REELD1: variants seen among roughly 807,000 people sequenced by gnomAD.
The protein encoded by REELD1 is reelin domain-containing protein 1.
REELD1 carries 12 observed loss-of-function variants against 6.3 expected under a neutral mutation model. The ratio of observed to expected loss-of-function variants is 1.89; its 90% CI spans 1.21 to 3.07. The LOEUF is 3.07. Ranked by LOEUF, REELD1 falls within the 30% of genes most tolerant of loss-of-function variation. The pLI is 0.00. For missense variants in REELD1, 163 were observed against 86.8 expected (o/e 1.88, Z -3.49); for synonymous variants, 57 against 33.6 (o/e 1.70, Z -2.42).
rs1040604541 is a variant in REELD1, at chr4:146,228,485, T to C, written c.871T>C (p.Ser291Pro). ...GCTCGTGGCCCTCAAGAGAGTCTCC[T>C]CAGAGAGCTTTGCTTCCAGCCTTAG... ...ERLVALKRVS[S>P]ESFASSLSTH... Residue 291 changes from serine (S) to proline (P), a missense_variant, in exon 6 of 8, where the codon TCA becomes CCA. Ser to Pro is a moderately conservative substitution (Grantham distance 74). Coordinates refer to ENST00000623665, the MANE Select transcript of REELD1 (RefSeq NM_001354631.1). The C allele has an allele frequency of 3.7e-5, 26 of 702,412 alleles. No individual in the cohort carries two copies. In the African/African-American group the frequency reaches 4.4e-4, roughly 12 times the overall value. The allele number at this position is 702,412 out of a possible 1,614,324, so 43.5% of individuals were successfully genotyped here.
chr4:146,228,019 G>T (rs17021262), intron 5 of REELD1, among the ~76,000 whole-genome samples, 191 bp from the exon 6 acceptor site: 2,960 of 152,204 alleles, frequency 0.019, 92 homozygotes, highest in African/African-American at 0.066. Context: ...ATAAGCCCTT[G>T]CGTGGTCAGG....
rs1731115572 is a variant in REELD1, at chr4:146,230,711, C to T, written c.*198C>T. On this transcript the variant is annotated 3_prime_UTR_variant, in exon 8 of 8. Coordinates refer to ENST00000623665, the MANE Select transcript of REELD1 (RefSeq NM_001354631.1). ...TTCCTGAGCTTTGTTGTCTTAACAT[C>T]TGTAATTGGGCTTCCTTCTTTCTTT... 1 of 383,052 alleles carries T rather than the reference C, an allele frequency of 2.6e-6. No individual in the cohort carries two copies. 23.7% of individuals were successfully genotyped at this position (383,052 alleles called of 1,614,324 possible). A position where few individuals can be genotyped will look rare whatever the true frequency, so the allele number is the denominator to read the frequency against.
chr4:146,228,407 G>A lies in REELD1; in HGVS notation c.793G>A (p.Gly265Arg), dbSNP rs763696352. The change falls in exon 6 of 8, where the codon GGG (glycine) becomes AGG (arginine). Residue 265 changes from glycine to arginine, a missense_variant. Gly to Arg is a moderately radical substitution (Grantham distance 125). Transcript: ENST00000623665. ...TEGSINQQPS[G>R]DSNPTLEPSL... Reference sequence around the variant, plus strand: ...AGGCAGCATCAACCAGCAACCCAGCGGGGACAGCAATCCCACCCTAGAGCC... The same window carrying A: ...AGGCAGCATCAACCAGCAACCCAGCAGGGACAGCAATCCCACCCTAGAGCC... The A allele has an allele frequency of 3.6e-5, 25 of 702,526 alleles. No homozygotes were observed. The highest frequency in any genetic ancestry group is 2.5e-4 in the South Asian group (17 of 67,590). The allele number at this position is 702,526 out of a possible 1,614,324, so 43.5% of individuals were successfully genotyped here.
Position 146,224,549 on chromosome 4 carries a change from C to T in REELD1, c.536C>T (p.Pro179Leu). ...GCCCATTCTGACGACCGCATGGAGCCCAGATTGCTGATGCCAAACCTTCAC... is the reference window on the plus strand; with the variant it reads ...GCCCATTCTGACGACCGCATGGAGCTCAGATTGCTGATGCCAAACCTTCAC... ...SSAHSDDRME[P>L]RLLMPNLHQR... Residue 179 changes from proline to leucine, a missense_variant, in exon 5 of 8, where the codon CCC (proline) becomes CTC (leucine). Physicochemically the swap from Pro to Leu is moderately conservative, Grantham distance 98 (BLOSUM62 -3). Transcript: ENST00000623665. 1 of 702,136 alleles carries T rather than the reference C, an allele frequency of 1.4e-6. No individual in the cohort carries two copies. The highest frequency in any genetic ancestry group is 2.6e-6 in the Non-Finnish European group (1 of 384,950). The allele number at this position is 702,136 out of a possible 1,614,324, so 43.5% of individuals were successfully genotyped here. A position where few individuals can be genotyped will look rare whatever the true frequency, so the allele number is the denominator to read the frequency against.
In REELD1 at chr4:146,228,279, C is replaced by T; in HGVS notation, c.665C>T (p.Ala222Val). ...HVFAVALPGAAEEDNLDPVPA... is the reference protein window; with the variant it reads ...HVFAVALPGAVEEDNLDPVPA... ...TTTGCTGTTGCCCTTCCTGGAGCTG[C>T]AGAGGAGGACAACCTAGATCCTGTT... Residue 222 changes from alanine (A) to valine (V), a missense_variant, in exon 6 of 8, where the codon GCA becomes GTA. By Grantham distance (64) the Ala-to-Val change is moderately conservative. Transcript: ENST00000623665. 1.4e-6 allele frequency: 1 copy of T among 702,578 alleles called. No homozygotes were observed. Among genetic ancestry groups the T allele is most frequent in the Non-Finnish European group, 2.6e-6 (1 of 385,006 alleles). 43.5% of individuals were successfully genotyped at this position (702,578 alleles called of 1,614,324 possible).
intron 2 of REELD1, among the ~76,000 whole-genome samples, chr4:146,216,614 C>T (rs10025326): frequency 0.041 from 6,262 of 152,250 alleles, 411 homozygotes; most frequent in African/African-American, 0.14. Context: ...AAGGAGCTCA[C>T]GCTAGGATAC....
rs933135518 is a variant in REELD1, at chr4:146,230,561, G to C, written c.*48G>C. 1.0e-5 allele frequency: 4 copies of C among 398,142 alleles called. No individual in the cohort carries two copies. Among genetic ancestry groups the C allele is most frequent in the African/African-American group, 6.2e-5 (3 of 48,628 alleles). The allele number at this position is 398,142 out of a possible 1,614,324, so 24.7% of individuals were successfully genotyped here. The stretch of plus-strand genomic sequence containing the variant: ...TCAGTGGCCCTCCTTGGGCCCTGGA[G>C]AGTGTCCCAGACAGAGCAGAGATAA... On this transcript the variant is annotated 3_prime_UTR_variant, in exon 8 of 8. Coordinates refer to ENST00000623665, the MANE Select transcript of REELD1 (RefSeq NM_001354631.1).
At position 146,229,918 on chromosome 4, in the gene REELD1, C is replaced by G; in HGVS notation, c.986C>G (p.Ala329Gly). 5.0e-6 allele frequency: 2 copies of G among 398,652 alleles called. No homozygotes were observed. Among genetic ancestry groups the G allele is most frequent in the Non-Finnish European group, 8.8e-6 (2 of 226,106 alleles). The allele number at this position is 398,652 out of a possible 1,614,324, so 24.7% of individuals were successfully genotyped here. A position where few individuals can be genotyped will look rare whatever the true frequency, so the allele number is the denominator to read the frequency against. ...SDGGEQDKTK[A>G]SNRTVTQPPL... ...TTGTTTTTCTAGGACAAGACGAAGG[C>G]CTCTAACAGGACCGTGACACAGCCT... Residue 329 changes from alanine to glycine, a missense_variant, in exon 8 of 8, where the codon GCC (alanine) becomes GGC (glycine). Coordinates refer to ENST00000623665, the MANE Select transcript of REELD1 (RefSeq NM_001354631.1).
chr4:146,218,283 T>C (rs1578696653), intron 3 of REELD1, among the ~76,000 whole-genome samples: 1 of 150,046 alleles, frequency 6.7e-6, no homozygotes, highest in Non-Finnish European at 1.5e-5. Context: ...CCGCCCCCAC[T>C]CCCCAAACTC....
chr4:146,223,366 C>G (rs1490917164), intron 4 of REELD1, among the ~76,000 whole-genome samples: 2 of 152,138 alleles, frequency 1.3e-5, no homozygotes, highest in African/African-American at 4.8e-5. Flanking sequence ...TTCTCCCCCA[C>G]CTCCTGGTGG....
At position 146,216,977 on chromosome 4, in the gene REELD1, G is replaced by A; in HGVS notation, c.25G>A (p.Gly9Ser). 1 of 398,626 alleles carries A rather than the reference G, an allele frequency of 2.5e-6. No homozygotes were observed. The highest frequency in any genetic ancestry group is 4.4e-6 in the Non-Finnish European group (1 of 226,118). 24.7% of individuals were successfully genotyped at this position (398,626 alleles called of 1,614,324 possible). The change falls in exon 3 of 8, where the codon GGC becomes AGC. Residue 9 changes from glycine (G) to serine (S), a missense_variant. Physicochemically the swap from Gly to Ser is moderately conservative, Grantham distance 56. Transcript: ENST00000623665. ...GATGAGGATGCAGGCTGCCCTCGTG[G>A]GCTGGGCTTGTACCACCCTCTGCCT... MRMQAALVGWACTTLCLAS... is the reference protein window; with the variant it reads MRMQAALVSWACTTLCLAS...
At chr4:146,222,172 G>A (rs1009114571) in intron 3 of REELD1, among the ~76,000 whole-genome samples, 185 bp from the exon 4 acceptor site, 15 of 151,684 alleles carry the variant, frequency 9.9e-5, no homozygotes, top group South Asian at 2.1e-4. Flanking sequence ...TTTCATTTTC[G>A]CATAACTTTG....
At chr4:146,223,664 G>A (rs936329864) in intron 4 of REELD1, among the ~76,000 whole-genome samples, 1 of 152,184 alleles carries the variant, frequency 6.6e-6, no homozygotes, top group Non-Finnish European at 1.5e-5. Flanking sequence ...AAAAAACGAG[G>A]TAAGTCACTT....
At position 146,231,804 on chromosome 4, in the gene REELD1, A is replaced by G. The variant is rs1731136388; in HGVS notation, c.*1291A>G. 1 of 152,208 alleles carries G rather than the reference A, an allele frequency of 6.6e-6. No homozygotes were observed. The highest frequency in any genetic ancestry group is 1.5e-5 in the Non-Finnish European group (1 of 68,042). The allele number at this position is 152,208 out of a possible 1,614,324, so 9.4% of individuals were successfully genotyped here. ...ATTTTTAAAAATTGAGTGTTCAGGA[A>G]AGAGACAGCTCCTGCCTTTTCCACA... On this transcript the variant is annotated 3_prime_UTR_variant, in exon 8 of 8. Coordinates refer to ENST00000623665, the MANE Select transcript of REELD1 (RefSeq NM_001354631.1).
intron 7 of REELD1, among the ~76,000 whole-genome samples, chr4:146,229,678 T>C (rs942865386): frequency 4.6e-5 from 7 of 152,176 alleles, no homozygotes; most frequent in African/African-American, 1.7e-4. Context: ...GTAACTGGCT[T>C]CCTTGTTCTC....
chr4:146,221,646 G>A (rs1435714797), intron 3 of REELD1, among the ~76,000 whole-genome samples: 1 of 152,196 alleles, frequency 6.6e-6, no homozygotes, highest in Non-Finnish European at 1.5e-5. Context: ...GGATCACAAG[G>A]TCAAGAGATC....
rs139433908 is a variant in REELD1, at chr4:146,224,523, C to T, written c.510C>T (p.Ser170=). ...SSVVSQQTHS[S]AHSDDRMEPR... is the part of the protein sequence containing the mutation. ...TTGTGTCTCAACAGACACATAGCAG[C>T]GCCCATTCTGACGACCGCATGGAGC... is the stretch of plus-strand genomic sequence containing the variant. The change falls in exon 5 of 8, where the codon AGC becomes AGT. Residue 170 remains serine (S), a synonymous_variant. Coordinates refer to ENST00000623665, the MANE Select transcript of REELD1 (RefSeq NM_001354631.1). 1,550 of 701,718 alleles carry T rather than the reference C, an allele frequency of 2.2e-3. 11 individuals carry two copies. The highest frequency in any genetic ancestry group is 0.01 in the South Asian group (705 of 67,498). 43.5% of individuals were successfully genotyped at this position (701,718 alleles called of 1,614,324 possible).
intron 5 of REELD1, among the ~76,000 whole-genome samples, chr4:146,225,893 C>A (rs1231729904): frequency 6.6e-6 from 1 of 152,118 alleles, no homozygotes; most frequent in Admixed American, 6.6e-5. Flanking sequence ...CTGGCCCCAG[C>A]CTGTCTTCCC....
chr4:146,227,649 C>A (rs1731047917), intron 5 of REELD1, among the ~76,000 whole-genome samples: 1 of 152,228 alleles, frequency 6.6e-6, no homozygotes, highest in Non-Finnish European at 1.5e-5. Context: ...CCTGCACTTG[C>A]TTGCTTGCTG....
Sources: gnomAD v4.1 joint callset for allele counts (sites outside exome capture counted in the v4.1 genomes callset) on GRCh38, gnomAD v4.1.1 for gene constraint, MANE v1.5 for transcripts, NCBI Gene and HGNC (gene_info 2026-07-23, HGNC 2026-07-21) for gene names.